The following ERP27 variants were observed in gnomAD, a reference collection of about 807,000 sequenced individuals.
ERP27 encodes endoplasmic reticulum resident protein 27.
Under a neutral mutation model 27.7 loss-of-function variants are expected in ERP27, and 23 were observed. The observed-to-expected ratio is 0.83, with a 90% CI of 0.60 to 1.18. The LOEUF is 1.18. Ranked by LOEUF, ERP27 falls within the 50% of genes most tolerant of loss-of-function variation. The probability of loss-of-function intolerance (pLI) is 0.00; values close to 1 mark genes in which losing one functional copy is unlikely to be tolerated. For missense variants in ERP27, 363 were observed against 327.9 expected, an observed-to-expected ratio of 1.11 and a Z score of -0.83; for synonymous variants, 159 against 118.3, an observed-to-expected ratio of 1.34 and a Z score of -2.23.
intron 3 of ERP27, among the ~76,000 whole-genome samples, chr12:14,923,010 G>T (rs1863530380): frequency 1.3e-5 from 2 of 150,390 alleles, no homozygotes; most frequent in Admixed American, 6.6e-5. Flanking sequence ...TGGAGGGGAG[G>T]TTGCAGTGAG....
intron 2 of ERP27, among the ~76,000 whole-genome samples, chr12:14,936,500 C>T (rs192630095): frequency 3.3e-3 from 507 of 152,250 alleles, no homozygotes; most frequent in Middle Eastern, 6.8e-3. Flanking sequence ...CCCTGCAAGT[C>T]CCCAGGCTGA....
intron 1 of ERP27, 138 bp from the exon 2 acceptor site, chr12:14,938,190 G>A (rs1023146777): frequency 1.3e-5 from 10 of 797,634 alleles, no homozygotes; most frequent in Admixed American, 2.3e-5. Flanking sequence ...GCATTCCAAG[G>A]CATAATATTT....
intron 3 of ERP27, among the ~76,000 whole-genome samples, chr12:14,933,844 C>A (rs1285376174): frequency 6.6e-6 from 1 of 152,108 alleles, no homozygotes; most frequent in Non-Finnish European, 1.5e-5. Flanking sequence ...CTGTTGCTAC[C>A]TCTCTACTAC....
intron 3 of ERP27, among the ~76,000 whole-genome samples, chr12:14,934,621 C>T (rs963981641): frequency 5.3e-5 from 8 of 152,154 alleles, no homozygotes; most frequent in African/African-American, 1.7e-4. Context: ...GGCTGTTGAG[C>T]GACAAAGCAG....
chr12:14,914,945 C>G (rs1286710213), intron 6 of ERP27, among the ~76,000 whole-genome samples, 163 bp from the exon 7 acceptor site: 2 of 151,984 alleles, frequency 1.3e-5, no homozygotes, highest in Non-Finnish European at 2.9e-5. Context: ...CAAAATTCAG[C>G]CTCTGAATAT....
At chr12:14,915,929 A>C in intron 5 of ERP27, 1 of 425,808 alleles carries the variant, frequency 2.3e-6, no homozygotes, top group Non-Finnish European at 4.2e-6. Flanking sequence ...GAGAAAACCA[A>C]ATATCACATG....
chr12:14,922,852 G>A (rs747629366), intron 3 of ERP27, among the ~76,000 whole-genome samples: 1 of 152,124 alleles, frequency 6.6e-6, no homozygotes, highest in Non-Finnish European at 1.5e-5. Flanking sequence ...GAGGCCAGCG[G>A]ATCACCTGAG....
At chr12:14,932,192 G>A (rs530276175) in intron 3 of ERP27, among the ~76,000 whole-genome samples, 18 of 152,230 alleles carry the variant, frequency 1.2e-4, no homozygotes, top group Admixed American at 1.2e-3. Context: ...ATAGGTCATG[G>A]CCTAAGAGGG....
chr12:14,920,975 A>C lies in ERP27; in HGVS notation c.407T>G (p.Ile136Ser). 1.9e-6 allele frequency: 3 copies of C among 1,614,130 alleles called. No individual in the cohort carries two copies. Among genetic ancestry groups the C allele is most frequent in the Non-Finnish European group, 2.5e-6 (3 of 1,179,976 alleles). Residue 136 changes from isoleucine to serine, a missense_variant, in exon 4 of 7, where the codon ATT becomes AGT. Coordinates refer to ENST00000266397, the MANE Select transcript of ERP27 (RefSeq NM_152321.4). ...SIDATKLSRF[I>S]EINSLHMVTE... is the part of the protein sequence containing the mutation. ...CACCATGTGGAGGCTGTTGATCTCA[A>C]TGAAACGGCTCAATTTGGTGGCATC... is the stretch of plus-strand genomic sequence containing the variant.
chr12:14,930,163 C>T (rs979980085), intron 3 of ERP27, among the ~76,000 whole-genome samples: 1 of 151,950 alleles, frequency 6.6e-6, no homozygotes, highest in African/African-American at 2.4e-5. Flanking sequence ...CACATGTATC[C>T]TGGAACTTAA....
intron 3 of ERP27, among the ~76,000 whole-genome samples, chr12:14,924,265 C>A (rs1348322802): frequency 6.6e-6 from 1 of 152,158 alleles, no homozygotes; most frequent in East Asian, 1.9e-4. Context: ...ATTTCTTTCT[C>A]CATTCATCTG....
At chr12:14,933,281 G>T (rs559645490) in intron 3 of ERP27, among the ~76,000 whole-genome samples, 11 of 152,250 alleles carry the variant, frequency 7.2e-5, no homozygotes, top group African/African-American at 1.9e-4. Flanking sequence ...GGAAGAGAAG[G>T]TCTCAAAGAG....
chr12:14,919,932 T>G (rs2120556053), intron 4 of ERP27, among the ~76,000 whole-genome samples: 1 of 152,032 alleles, frequency 6.6e-6, no homozygotes, highest in South Asian at 2.1e-4. Flanking sequence ...ACACAATAAT[T>G]TCCTCTCTTC....
intron 3 of ERP27, among the ~76,000 whole-genome samples, chr12:14,934,634 C>T (rs975316883): frequency 6.6e-6 from 1 of 152,172 alleles, no homozygotes; most frequent in Non-Finnish European, 1.5e-5. Context: ...CAAAGCAGTA[C>T]CACAAATTCC....
intron 3 of ERP27, among the ~76,000 whole-genome samples, chr12:14,931,997 G>A (rs1863704627): frequency 6.6e-6 from 1 of 152,158 alleles, no homozygotes; most frequent in African/African-American, 2.4e-5. Flanking sequence ...ACACTGGTGA[G>A]AATGCAAACC....
chr12:14,917,298 C>A lies in ERP27; in HGVS notation c.456G>T (p.Val152=), dbSNP rs1254356034. The A allele has an allele frequency of 6.2e-7, 1 of 1,614,120 alleles. No individual in the cohort carries two copies. Among genetic ancestry groups the A allele is most frequent in the South Asian group, 1.1e-5 (1 of 91,078 alleles). Residue 152 remains valine, a synonymous_variant, in exon 5 of 7, where the codon GTG becomes GTT. Transcript: ENST00000266397. The part of the protein sequence containing the change: ...HMVTEYNPVT[V]IGLFNSVIQI... Reference sequence around the variant, plus strand: ...GAATTACGCTGTTGAATAACCCAATCACAGTCTGGCAAGTCGAAATGTGTT... The same window carrying A: ...GAATTACGCTGTTGAATAACCCAATAACAGTCTGGCAAGTCGAAATGTGTT...
intron 3 of ERP27, among the ~76,000 whole-genome samples, chr12:14,933,009 C>T (rs1267183932): frequency 6.6e-6 from 1 of 152,200 alleles, no homozygotes; most frequent in Non-Finnish European, 1.5e-5. Context: ...ATAAAATATT[C>T]TAAATGTTCC....
intron 4 of ERP27, among the ~76,000 whole-genome samples, chr12:14,919,033 C>A (rs955728246): frequency 1.3e-5 from 2 of 152,132 alleles, no homozygotes; most frequent in East Asian, 3.9e-4. Context: ...TTAATCCTAA[C>A]AGACACCTTG....
chr12:14,932,925 A>G (rs972405448), intron 3 of ERP27, among the ~76,000 whole-genome samples: 7 of 152,240 alleles, frequency 4.6e-5, no homozygotes, highest in Admixed American at 6.5e-5. Context: ...AGTTTTGAAC[A>G]TTTTAAGAGT....
Sources: allele counts gnomAD v4.1 joint callset (sites outside exome capture counted in the v4.1 genomes callset), GRCh38; gene constraint gnomAD v4.1.1; transcripts MANE v1.5; gene names NCBI Gene and HGNC (gene_info 2026-07-23, HGNC 2026-07-21).